CALN1: variants seen among roughly 807,000 people sequenced by gnomAD.
CALN1 encodes the protein calcium-binding protein 8.
A neutral mutation model predicts 30.6 loss-of-function variants in CALN1; 17 were observed. The observed-to-expected ratio is 0.56, with a 90% CI of 0.38 to 0.83. The LOEUF (loss-of-function observed/expected upper bound fraction) is 0.83, where lower values mean the gene tolerates loss of function less well. CALN1 is among the 40% of genes least tolerant of loss of function. The probability of loss-of-function intolerance (pLI) is 0.00; values close to 1 mark genes in which losing one functional copy is unlikely to be tolerated. For synonymous variants in CALN1, 156 were observed against 131.4 expected, an observed-to-expected ratio of 1.19 and a Z score of -1.28; for missense variants, 291 against 354.9, an observed-to-expected ratio of 0.82 and a Z score of 1.45.
chr7:71,980,122 CTT>C (rs921433121), intron 5 of CALN1, among the ~76,000 whole-genome samples: 15 of 150,032 alleles, frequency 1.0e-4, no homozygotes, highest in South Asian at 2.1e-4. Context: ...AGGTGATTCT[CTT>C]GTCTCAGACT....
intron 3 of CALN1, among the ~76,000 whole-genome samples, chr7:72,130,025 A>G (rs1809030124): frequency 1.3e-5 from 2 of 152,030 alleles, no homozygotes; most frequent in African/African-American, 4.8e-5. Flanking sequence ...TAGTTCTCTC[A>G]ACAGCTGGTT....
intron 2 of CALN1, among the ~76,000 whole-genome samples, chr7:72,368,197 A>G (rs533965011): frequency 5.9e-4 from 89 of 151,178 alleles, no homozygotes; most frequent in African/African-American, 2.0e-3. Flanking sequence ...GTATATATAT[A>G]TGTGTGTGTA....
At chr7:72,353,214 G>A (rs1443677920) in intron 2 of CALN1, among the ~76,000 whole-genome samples, 1 of 151,824 alleles carries the variant, frequency 6.6e-6, no homozygotes, top group African/African-American at 2.4e-5. Context: ...TCATAAAATA[G>A]AGAGCGGGAA....
intron 3 of CALN1, among the ~76,000 whole-genome samples, chr7:72,275,262 T>G (rs1797260410): frequency 6.6e-6 from 1 of 152,078 alleles, no homozygotes; most frequent in Non-Finnish European, 1.5e-5. Flanking sequence ...ACCTGTCCTC[T>G]GAGGGTAAAT....
At chr7:72,432,988 T>C (rs73365002) in intron 1 of CALN1, among the ~76,000 whole-genome samples, 1,555 of 152,330 alleles carry the variant, frequency 0.01, 27 homozygotes, top group African/African-American at 0.036. Flanking sequence ...ATGGCTCTGT[T>C]TGAACCCAAC....
intron 1 of CALN1, among the ~76,000 whole-genome samples, chr7:72,437,951 T>G (rs1808227899): frequency 7.1e-6 from 1 of 141,250 alleles, no homozygotes; most frequent in Admixed American, 7.0e-5. Context: ...CCTTCCTTCC[T>G]TCCTTCCTTC....
At chr7:72,469,847 C>T in the CALN1 span, among the ~76,000 whole-genome samples, 71 of 152,222 alleles carry the variant, frequency 4.7e-4, no homozygotes, top group Middle Eastern at 6.8e-3. Context: ...GTAGGTGACT[C>T]GAATCAGTTC....
intron 1 of CALN1, among the ~76,000 whole-genome samples, chr7:72,436,146 T>C (rs1808151505): frequency 6.6e-6 from 1 of 152,214 alleles, no homozygotes; most frequent in South Asian, 2.1e-4. Context: ...GTCCCAGGGC[T>C]CAGCCTGCTA....
chr7:72,490,997 C>A, the CALN1 span, among the ~76,000 whole-genome samples: 1 of 152,136 alleles, frequency 6.6e-6, no homozygotes, highest in South Asian at 2.1e-4. Flanking sequence ...GTAATCCCAG[C>A]ACTTTGGGAG....
chr7:72,013,191 T>C (rs1395959921), intron 5 of CALN1, among the ~76,000 whole-genome samples: 2 of 152,020 alleles, frequency 1.3e-5, no homozygotes, highest in South Asian at 2.1e-4. Context: ...ACTTCTCCCC[T>C]TTTTGTTTTT....
At chr7:72,326,707 T>C (rs1445947021) in intron 2 of CALN1, among the ~76,000 whole-genome samples, 1 of 152,204 alleles carries the variant, frequency 6.6e-6, no homozygotes, top group Non-Finnish European at 1.5e-5. Context: ...AAAAACCCTC[T>C]CGGTTTTCAT....
chr7:72,030,553 G>GC (rs1254235383), intron 4 of CALN1, among the ~76,000 whole-genome samples: 3 of 152,014 alleles, frequency 2.0e-5, no homozygotes, highest in African/African-American at 7.3e-5. Context: ...TGATCCCTAT[G>GC]CCCCCACACC....
intron 5 of CALN1, among the ~76,000 whole-genome samples, chr7:71,992,633 T>G (rs1240456328): frequency 6.6e-6 from 1 of 152,214 alleles, no homozygotes; most frequent in Non-Finnish European, 1.5e-5. Flanking sequence ...AATGGGATTA[T>G]ATGTGTAAGC....
the CALN1 span, among the ~76,000 whole-genome samples, chr7:72,474,169 G>A: frequency 1.3e-5 from 2 of 151,914 alleles, no homozygotes; most frequent in Non-Finnish European, 2.9e-5. Flanking sequence ...ATGTAACTCC[G>A]CAATGGCTAG....
At chr7:72,483,245 T>C in the CALN1 span, among the ~76,000 whole-genome samples, 1 of 144,094 alleles carries the variant, frequency 6.9e-6, no homozygotes, top group East Asian at 1.9e-4. Flanking sequence ...TGTTTGTTTG[T>C]TTGGTTTGGT....
Position 72,170,788 on chromosome 7 carries a change from G to C in CALN1, c.245-64494C>G, listed in dbSNP as rs78556681. Among the ~76,000 whole-genome samples the C allele has an allele frequency of 8.3e-3, 1,271 of 152,278 alleles. 13 individuals carry two copies. Among genetic ancestry groups the C allele is most frequent in the African/African-American group, 0.03 (1,240 of 41,548 alleles). On this transcript the variant is annotated intron_variant, in intron 3 of 6. Coordinates refer to ENST00000395275, the MANE Select transcript of CALN1 (RefSeq NM_031468.4). The stretch of plus-strand genomic sequence containing the variant: ...ATTTGGTATATTCTACCATAGATTT[G>C]AGATGAATTGAATTAAGCACTAGAA...
intron 5 of CALN1, among the ~76,000 whole-genome samples, chr7:71,948,237 G>A (rs889497937): frequency 1.3e-4 from 2 of 15,616 alleles, no homozygotes; most frequent in East Asian, 4.1e-4. Flanking sequence ...TGTTCTGAGT[G>A]GGGGGGAAGA....
At chr7:72,437,501 A>G (rs543897948) in intron 1 of CALN1, among the ~76,000 whole-genome samples, 44 of 149,646 alleles carry the variant, frequency 2.9e-4, no homozygotes, top group Non-Finnish European at 5.6e-4. Flanking sequence ...AAAGTTAAAG[A>G]AGGTGAGAAA....
intron 3 of CALN1, among the ~76,000 whole-genome samples, chr7:72,208,980 T>C (rs10277649): frequency 0.22 from 32,822 of 148,942 alleles, 3,697 homozygotes; most frequent in East Asian, 0.3. Context: ...TCCTTCCTTT[T>C]CCTACTTCCT....
Sources: allele counts gnomAD v4.1 joint callset (sites outside exome capture counted in the v4.1 genomes callset), GRCh38; gene constraint gnomAD v4.1.1; transcripts MANE v1.5; gene names NCBI Gene and HGNC (gene_info 2026-07-23, HGNC 2026-07-21).